KANSL1L: variants seen among roughly 807,000 people sequenced by gnomAD.
KANSL1L encodes KAT8 regulatory NSL complex subunit 1-like protein.
A neutral mutation model predicts 108.6 loss-of-function variants in KANSL1L; 25 were observed. The observed-to-expected ratio is 0.23, with a 90% CI of 0.17 to 0.32. The LOEUF is 0.32. Among genes scored for constraint, KANSL1L ranks in the 10% least tolerant of loss-of-function variants. The pLI is 1.00. For missense variants in KANSL1L, 1,137 were observed against 1,125.7 expected, an observed-to-expected ratio of 1.01 and a Z score of -0.14; for synonymous variants, 405 against 395.1, an observed-to-expected ratio of 1.03 and a Z score of -0.30.
Position 210,022,578 on chromosome 2 carries a change from A to C in KANSL1L, c.*371T>G. 1 of 179,254 alleles carries C rather than the reference A, an allele frequency of 5.6e-6. No homozygotes were observed. The highest frequency in any genetic ancestry group is 1.2e-5 in the Non-Finnish European group (1 of 84,314). The allele number at this position is 179,254 out of a possible 1,614,324, so 11.1% of individuals were successfully genotyped here. On this transcript the variant is annotated 3_prime_UTR_variant, in exon 15 of 15. Transcript: ENST00000281772. ...TGAATTACCATGTATATAAAAAAAT[A>C]GCTGTCACTTGGCACACAGGTTTGT...
chr2:210,089,895 T>C (rs1327451298), intron 5 of KANSL1L, among the ~76,000 whole-genome samples: 2 of 152,146 alleles, frequency 1.3e-5, no homozygotes, highest in East Asian at 3.9e-4. Context: ...TAGTGCCTCA[T>C]TGACTTCTAG....
intron 5 of KANSL1L, among the ~76,000 whole-genome samples, chr2:210,087,701 T>A (rs1370614282): frequency 6.6e-6 from 1 of 152,164 alleles, no homozygotes; most frequent in African/African-American, 2.4e-5. Context: ...AAGCTTATGT[T>A]CAAGTCCAGG....
At chr2:210,057,356 C>T (rs1264706653) in intron 6 of KANSL1L, among the ~76,000 whole-genome samples, 3 of 152,044 alleles carry the variant, frequency 2.0e-5, no homozygotes, top group Admixed American at 1.3e-4. Flanking sequence ...GAGCCAAGAT[C>T]GTTGACACTG....
intron 2 of KANSL1L, among the ~76,000 whole-genome samples, chr2:210,148,850 T>G (rs533265498): frequency 6.6e-6 from 1 of 152,236 alleles, no homozygotes; most frequent in South Asian, 2.1e-4. Flanking sequence ...TGATCAATTT[T>G]TCCTATCAGG....
At chr2:210,042,630 T>C (rs1172225191) in intron 7 of KANSL1L, among the ~76,000 whole-genome samples, 1 of 152,190 alleles carries the variant, frequency 6.6e-6, no homozygotes, top group Non-Finnish European at 1.5e-5. Flanking sequence ...AGATATCTAT[T>C]CTCATGGAGT....
rs1433008588 is a variant in KANSL1L, at chr2:210,022,712, T to TCG, written c.*236_*237insCG. On this transcript the variant is annotated 3_prime_UTR_variant, in exon 15 of 15. Transcript: ENST00000281772. ...GTTGCAGCAATTAATATCTTGGTGT[T>TCG]TGTAAGTAAGTTGCATGATAAACAC... The TCG allele has an allele frequency of 2.1e-6, 1 of 473,682 alleles. No individual in the cohort carries two copies. The highest frequency in any genetic ancestry group is 2.0e-5 in the African/African-American group (1 of 49,990). 29.3% of individuals were successfully genotyped at this position (473,682 alleles called of 1,614,324 possible).
At chr2:210,105,120 G>A (rs1249105262) in intron 3 of KANSL1L, among the ~76,000 whole-genome samples, 1 of 151,930 alleles carries the variant, frequency 6.6e-6, no homozygotes, top group African/African-American at 2.4e-5. Context: ...AGGCAATGGA[G>A]ACAACAGAGA....
chr2:210,098,307 C>T lies in KANSL1L; in HGVS notation c.1429-100G>A, dbSNP rs777941681. 3.4e-5 allele frequency: 35 copies of T among 1,042,322 alleles called. No homozygotes were observed. In the African/African-American group the frequency reaches 4.9e-4, roughly 15 times the overall value. 64.6% of individuals were successfully genotyped at this position (1,042,322 alleles called of 1,614,324 possible). A position where few individuals can be genotyped will look rare whatever the true frequency, so the allele number is the denominator to read the frequency against. ...TTAATCCTTAACTTCTCATGACACA[C>T]ATGTTTTTATTTTAGTAAATGTTTT... On this transcript the variant is annotated intron_variant, in intron 4 of 14. Coordinates refer to ENST00000281772, the MANE Select transcript of KANSL1L (RefSeq NM_152519.4).
intron 3 of KANSL1L, among the ~76,000 whole-genome samples, chr2:210,120,447 C>G (rs1291577542): frequency 6.6e-6 from 1 of 152,008 alleles, no homozygotes; most frequent in Admixed American, 6.6e-5. Context: ...TAGCCATATG[C>G]AAAGATTGAA....
intron 2 of KANSL1L, among the ~76,000 whole-genome samples, chr2:210,134,757 T>C (rs975837415): frequency 2.6e-5 from 4 of 152,076 alleles, no homozygotes; most frequent in African/African-American, 9.7e-5. Flanking sequence ...CACATATAAC[T>C]GACAGGAAGA....
At chr2:210,031,777 C>G (rs965019831) in intron 8 of KANSL1L, among the ~76,000 whole-genome samples, 12 of 152,154 alleles carry the variant, frequency 7.9e-5, no homozygotes, top group African/African-American at 2.9e-4. Flanking sequence ...GATCTGTTCT[C>G]AAAGTCTTCC....
chr2:210,131,773 C>T (rs945825233), intron 2 of KANSL1L, among the ~76,000 whole-genome samples: 2 of 151,188 alleles, frequency 1.3e-5, no homozygotes, highest in African/African-American at 4.9e-5. Flanking sequence ...GATCTCTCCT[C>T]ATTGCAACCT....
intron 4 of KANSL1L, among the ~76,000 whole-genome samples, chr2:210,099,036 A>C (rs1481274728): frequency 1.3e-5 from 2 of 152,042 alleles, no homozygotes; most frequent in African/African-American, 4.8e-5. Context: ...AAGAACTGGA[A>C]AATATAGAGA....
At position 210,062,583 on chromosome 2, in the gene KANSL1L, G is replaced by T. The variant is rs557539295; in HGVS notation, c.1755+12969C>A. Among the ~76,000 whole-genome samples the T allele has an allele frequency of 7.2e-5, 11 of 152,312 alleles. No homozygotes were observed. The South Asian group carries it at 2.3e-3, about 32-fold the overall frequency. ...AAATACTGATCATGATATGGACAAT[G>T]AAATCCAGGCTGAGGTAGTCTCAGA... On this transcript the variant is annotated intron_variant, in intron 6 of 14. Coordinates refer to ENST00000281772, the MANE Select transcript of KANSL1L (RefSeq NM_152519.4).
At chr2:210,121,351 C>T (rs749735186) in intron 3 of KANSL1L, among the ~76,000 whole-genome samples, 7 of 152,062 alleles carry the variant, frequency 4.6e-5, no homozygotes, top group South Asian at 4.2e-4. Flanking sequence ...TGCAGAAACA[C>T]GAATGAAGCT....
intron 1 of KANSL1L, among the ~76,000 whole-genome samples, chr2:210,167,049 AT>A (rs1688025073): frequency 6.6e-6 from 1 of 151,976 alleles, no homozygotes; most frequent in African/African-American, 2.4e-5. Context: ...TAAATAAAAA[AT>A]ATATGAGGAT....
chr2:210,149,937 C>T (rs1408353944), intron 2 of KANSL1L, among the ~76,000 whole-genome samples: 3 of 150,122 alleles, frequency 2.0e-5, no homozygotes, highest in Non-Finnish European at 3.0e-5. Flanking sequence ...TCAAATAATT[C>T]AGTGAAATAA....
In KANSL1L at chr2:210,154,158, G is replaced by T. The variant is rs769405994; in HGVS notation, c.425C>A (p.Thr142Lys). ...FIKKEPLSDT[T>K]SQCMKDVQII... ...TTGTACATCTTTCATGCACTGGCTC[G>T]TGGTATCTGATAGAGGCTCCTTTTT... Residue 142 changes from threonine to lysine, a missense_variant, in exon 2 of 15, where the codon ACG (threonine) becomes AAG (lysine). By Grantham distance (78) the Thr-to-Lys change is moderately conservative. Coordinates refer to ENST00000281772, the MANE Select transcript of KANSL1L (RefSeq NM_152519.4). 3 of 1,613,788 alleles carry T rather than the reference G, an allele frequency of 1.9e-6. No homozygotes were observed. The highest frequency in any genetic ancestry group is 2.5e-6 in the Non-Finnish European group (3 of 1,179,802).
intron 5 of KANSL1L, among the ~76,000 whole-genome samples, chr2:210,094,527 C>T (rs2094719285): frequency 6.6e-6 from 1 of 151,948 alleles, no homozygotes; most frequent in Non-Finnish European, 1.5e-5. Context: ...TATTCTACTC[C>T]CAGTGTCAAA....
Sources: allele counts gnomAD v4.1 joint callset (sites outside exome capture counted in the v4.1 genomes callset), GRCh38; gene constraint gnomAD v4.1.1; transcripts MANE v1.5; gene names NCBI Gene and HGNC (gene_info 2026-07-23, HGNC 2026-07-21).